The following GUCA1C variants were observed in gnomAD, a reference collection of about 807,000 sequenced individuals.
GUCA1C encodes the protein guanylyl cyclase-activating protein 3.
Under a neutral mutation model 16.2 loss-of-function variants are expected in GUCA1C, and 15 were observed. That is an observed-to-expected ratio of 0.93 (90% CI 0.62 to 1.43). GUCA1C has a LOEUF of 1.43. Ranked by LOEUF, GUCA1C falls within the 40% of genes most tolerant of loss-of-function variation. The pLI is 0.00. For synonymous variants in GUCA1C, 78 were observed against 85.4 expected, an observed-to-expected ratio of 0.91 and a Z score of 0.48; for missense variants, 275 against 244.8, an observed-to-expected ratio of 1.12 and a Z score of -0.82.
chr3:108,929,149 CAG>C (rs201222448), intron 1 of GUCA1C, among the ~76,000 whole-genome samples: 2,749 of 152,050 alleles, frequency 0.018, 28 homozygotes, highest in Non-Finnish European at 0.029. Context: ...AGATTTTGTA[CAG>C]ATTTTGTTAG....
chr3:108,915,578 G>T (rs184389138), intron 3 of GUCA1C, among the ~76,000 whole-genome samples: 218 of 152,250 alleles, frequency 1.4e-3, no homozygotes, highest in Middle Eastern at 0.014. Flanking sequence ...AGAAAGAGCA[G>T]ATGGAGAAAT....
At chr3:108,947,501 T>C (rs1202925194) in intron 1 of GUCA1C, among the ~76,000 whole-genome samples, 1 of 152,204 alleles carries the variant, frequency 6.6e-6, no homozygotes, top group African/African-American at 2.4e-5. Context: ...ATATATACCA[T>C]TATTTAAAGT....
In GUCA1C at chr3:108,908,162, C is replaced by T. The variant is rs370259737; in HGVS notation, c.490G>A (p.Asp164Asn). Residue 164 changes from aspartate to asparagine, a missense_variant, in exon 4 of 4, where the codon GAT becomes AAT. By Grantham distance (23) the Asp-to-Asn change is conservative. Transcript: ENST00000261047. ...CTCTTGTAAACAATCTCCAGGAGATCCTGATCTTTTGCCATGCCATTGATA... is the reference window on the plus strand; with the variant it reads ...CTCTTGTAAACAATCTCCAGGAGATTCTGATCTTTTGCCATGCCATTGATA... ...EFINGMAKDQ[D>N]LLEIVYKSFD... 6.2e-7 allele frequency: 1 copy of T among 1,613,700 alleles called. No homozygotes were observed. Among genetic ancestry groups the T allele is most frequent in the African/African-American group, 1.3e-5 (1 of 74,882 alleles).
intron 1 of GUCA1C, among the ~76,000 whole-genome samples, chr3:108,945,103 C>T (rs1467247989): frequency 6.6e-6 from 1 of 152,200 alleles, no homozygotes; most frequent in African/African-American, 2.4e-5. Context: ...GGTGCATTCC[C>T]AGAACAGCAA....
chr3:108,924,910 T>C (rs1179435958), intron 1 of GUCA1C, among the ~76,000 whole-genome samples: 1 of 152,146 alleles, frequency 6.6e-6, no homozygotes, highest in Non-Finnish European at 1.5e-5. Flanking sequence ...TTCTATTTTA[T>C]GCACAAAAAG....
intron 1 of GUCA1C, among the ~76,000 whole-genome samples, chr3:108,932,421 T>C (rs148165159): frequency 7.9e-5 from 12 of 151,874 alleles, no homozygotes; most frequent in African/African-American, 2.4e-4. Flanking sequence ...ATAAGTCTTA[T>C]ATATCCTAAG....
chr3:108,931,756 C>T (rs1488960430), intron 1 of GUCA1C, among the ~76,000 whole-genome samples: 7 of 151,808 alleles, frequency 4.6e-5, no homozygotes, highest in African/African-American at 1.7e-4. Context: ...ATAATTATCA[C>T]TGCAAAGGTG....
Position 108,920,211 on chromosome 3 carries a change from T to A in GUCA1C, c.354+225A>T, listed in dbSNP as rs188932484. ...TTCATTTCTTCATCGCAATGCTCTG[T>A]TAAATTTGTGAATGTCAGGGTGGAC... On this transcript the variant is annotated intron_variant, in intron 2 of 3. Transcript: ENST00000261047. Among the ~76,000 whole-genome samples, 6 of 152,332 alleles carry A rather than the reference T, an allele frequency of 3.9e-5. No individual in the cohort carries two copies. In the East Asian group the frequency reaches 9.6e-4, roughly 24 times the overall value.
chr3:108,914,436 T>C (rs1200859556), intron 3 of GUCA1C, among the ~76,000 whole-genome samples: 1 of 152,214 alleles, frequency 6.6e-6, no homozygotes, highest in Non-Finnish European at 1.5e-5. Context: ...ACTAATAGAA[T>C]CTTAGTGTTT....
At chr3:108,927,344 C>T (rs1946631775) in intron 1 of GUCA1C, among the ~76,000 whole-genome samples, 1 of 151,874 alleles carries the variant, frequency 6.6e-6, no homozygotes, top group Non-Finnish European at 1.5e-5. Flanking sequence ...TTAGATTTCT[C>T]TTCTTCCTCA....
chr3:108,909,705 G>A lies in GUCA1C; in HGVS notation c.443-1496C>T, dbSNP rs146259959. ...GAAAAGCAATACAGGTTACTGACAT[G>A]GAAAAGACAGAAAAGATGGAAGTAT... On this transcript the variant is annotated intron_variant, in intron 3 of 3. Transcript: ENST00000261047. Among the ~76,000 whole-genome samples the A allele has an allele frequency of 4.6e-3, 701 of 152,198 alleles. 7 individuals are homozygous for A. The highest frequency in any genetic ancestry group is 0.017 in the Middle Eastern group (5 of 294).
At chr3:108,948,739 G>T (rs912194523) in intron 1 of GUCA1C, among the ~76,000 whole-genome samples, 5 of 151,870 alleles carry the variant, frequency 3.3e-5, no homozygotes, top group African/African-American at 1.2e-4. Flanking sequence ...AAGACTTTAG[G>T]ATTTTCTCTT....
At chr3:108,941,100 T>A (rs1016378304) in intron 1 of GUCA1C, among the ~76,000 whole-genome samples, 1 of 152,150 alleles carries the variant, frequency 6.6e-6, no homozygotes, top group Non-Finnish European at 1.5e-5. Flanking sequence ...TTCTGCTACA[T>A]TAAAGCTAAG....
intron 3 of GUCA1C, among the ~76,000 whole-genome samples, chr3:108,911,435 A>T (rs1283322198): frequency 6.6e-6 from 1 of 152,200 alleles, no homozygotes; most frequent in Non-Finnish European, 1.5e-5. Context: ...ACTTCATAAA[A>T]TATTGAGCTG....
At chr3:108,928,912 G>A (rs1315836363) in intron 1 of GUCA1C, among the ~76,000 whole-genome samples, 3 of 152,046 alleles carry the variant, frequency 2.0e-5, no homozygotes, top group Non-Finnish European at 4.4e-5. Flanking sequence ...TATTATATTG[G>A]CGATTCTGGG....
intron 3 of GUCA1C, among the ~76,000 whole-genome samples, chr3:108,913,839 G>A (rs1318068694): frequency 6.6e-6 from 1 of 151,932 alleles, no homozygotes; most frequent in African/African-American, 2.4e-5. Flanking sequence ...AGGCTGAGGA[G>A]GGTGGATCAC....
intron 3 of GUCA1C, among the ~76,000 whole-genome samples, chr3:108,915,493 T>C (rs1190614520): frequency 2.0e-5 from 3 of 152,178 alleles, no homozygotes; most frequent in Non-Finnish European, 4.4e-5. Flanking sequence ...GCTGTCTGTG[T>C]CTTCTCTCTT....
chr3:108,914,706 A>G (rs547238884), intron 3 of GUCA1C, among the ~76,000 whole-genome samples: 95 of 152,278 alleles, frequency 6.2e-4, no homozygotes, highest in Middle Eastern at 3.4e-3. Flanking sequence ...ATCCTGCAGC[A>G]CCTCTAAGAT....
chr3:108,909,839 C>G (rs1457064040), intron 3 of GUCA1C, among the ~76,000 whole-genome samples: 1 of 152,194 alleles, frequency 6.6e-6, no homozygotes, highest in African/African-American at 2.4e-5. Flanking sequence ...TCCAAATCAT[C>G]AAACTCTACC....
Sources: gnomAD v4.1 joint callset for allele counts (sites outside exome capture counted in the v4.1 genomes callset) on GRCh38, gnomAD v4.1.1 for gene constraint, MANE v1.5 for transcripts, NCBI Gene and HGNC (gene_info 2026-07-23, HGNC 2026-07-21) for gene names.